The following MTA3 variants were observed in gnomAD, a reference collection of about 807,000 sequenced individuals.
MTA3 encodes the protein metastasis-associated protein MTA3.
A neutral mutation model predicts 83.5 loss-of-function variants in MTA3; 34 were observed. That is an observed-to-expected ratio of 0.41 (90% CI 0.31 to 0.54). The LOEUF is 0.54. Ranked by LOEUF, MTA3 falls within the 20% of genes least tolerant of loss-of-function variation. MTA3 has a pLI of 0.33. For missense variants in MTA3, 761 were observed against 726.4 expected (o/e 1.05, Z -0.55); for synonymous variants, 303 against 252.7 (o/e 1.20, Z -1.89).
At chr2:42,562,301 C>T (rs1369695169) in intron 2 of MTA3, among the ~76,000 whole-genome samples, 1 of 152,048 alleles carries the variant, frequency 6.6e-6, no homozygotes, top group Non-Finnish European at 1.5e-5. Context: ...TTTTGGGGGG[C>T]CACCATTCAA....
At chr2:42,553,316 C>T (rs926249072) in intron 2 of MTA3, among the ~76,000 whole-genome samples, 1 of 151,136 alleles carries the variant, frequency 6.6e-6, no homozygotes, top group Admixed American at 6.6e-5. Context: ...CCCAGCTACT[C>T]TGGAGGCTGA....
Position 42,546,874 on chromosome 2 carries a change from G to A in MTA3, c.-140-23563G>A, listed in dbSNP as rs367902023. 4.5e-4 allele frequency among the ~76,000 whole-genome samples: 69 copies of A among 152,254 alleles called. 2 individuals are homozygous for A. In the South Asian group the frequency reaches 0.014, roughly 31 times the overall value. ...ACAGGAGGATGAATGTGATCAGGGTGGGACATGCAGGCAAATAACGATACA... is the reference window on the plus strand; with the variant it reads ...ACAGGAGGATGAATGTGATCAGGGTAGGACATGCAGGCAAATAACGATACA... On this transcript the variant is annotated intron_variant, in intron 2 of 17. Coordinates refer to the MTA3 transcript ENST00000405592.
chr2:42,692,629 G>A (rs573345434), intron 9 of MTA3, among the ~76,000 whole-genome samples: 6 of 152,156 alleles, frequency 3.9e-5, no homozygotes, highest in East Asian at 1.9e-4. Flanking sequence ...GTTTCACCAC[G>A]TTGGCCAGGC....
intron 9 of MTA3, among the ~76,000 whole-genome samples, chr2:42,685,175 A>G (rs569803136): frequency 6.6e-6 from 1 of 152,344 alleles, no homozygotes; most frequent in East Asian, 1.9e-4. Flanking sequence ...TGGCATCAGT[A>G]TCAGATAAAA....
chr2:42,604,979 A>G (rs970499857), intron 3 of MTA3, among the ~76,000 whole-genome samples: 5 of 150,042 alleles, frequency 3.3e-5, no homozygotes, highest in Admixed American at 1.3e-4. Flanking sequence ...TCCCATGTCT[A>G]CTTCTTTCCA....
intron 16 of MTA3, among the ~76,000 whole-genome samples, chr2:42,737,574 A>G (rs1416513682): frequency 3.3e-5 from 5 of 152,094 alleles, no homozygotes; most frequent in East Asian, 1.9e-4. Flanking sequence ...TAGTTCTTCA[A>G]TTTGGTGTTC....
rs186553115 is a variant in MTA3, at chr2:42,643,537, A to G, written c.382-590A>G. Among the ~76,000 whole-genome samples the G allele has an allele frequency of 2.2e-4, 34 of 152,302 alleles. No individual in the cohort carries two copies. The East Asian group carries it at 6.0e-3, about 27-fold the overall frequency. ...TATGTTTGTATATCTGTCTATATGTATATATATGTATGCCTCAGTACTTAA... is the reference window on the plus strand; with the variant it reads ...TATGTTTGTATATCTGTCTATATGTGTATATATGTATGCCTCAGTACTTAA... On this transcript the variant is annotated intron_variant, in intron 5 of 16. Coordinates refer to ENST00000405094, the MANE Select transcript of MTA3 (RefSeq NM_001330442.2).
chr2:42,659,932 G>A, intron 8 of MTA3, 70 bp downstream of exon 8: 3 of 1,258,476 alleles, frequency 2.4e-6, no homozygotes, highest in East Asian at 2.9e-5. Context: ...AGCCATTGTG[G>A]CAATACTGTA....
At chr2:42,711,779 A>T (rs79292011) in intron 14 of MTA3, among the ~76,000 whole-genome samples, 96,863 of 148,074 alleles carry the variant, frequency 0.65, 32,749 homozygotes, top group African/African-American at 0.84. Flanking sequence ...TAGGAGAGAG[A>T]GAGAGTGTGT....
chr2:42,690,449 T>G (rs974232533), intron 9 of MTA3, among the ~76,000 whole-genome samples: 1 of 152,230 alleles, frequency 6.6e-6, no homozygotes, highest in Non-Finnish European at 1.5e-5. Context: ...CTACTTTTGG[T>G]TTTTAGCATT....
At chr2:42,621,800 C>T (rs1052752496) in intron 4 of MTA3, among the ~76,000 whole-genome samples, 34 of 151,522 alleles carry the variant, frequency 2.2e-4, no homozygotes, top group Admixed American at 9.8e-4. Context: ...CAGAGACGCT[C>T]CTCACCTCCC....
chr2:42,552,279 C>T (rs1378185901), intron 2 of MTA3, among the ~76,000 whole-genome samples: 1 of 152,036 alleles, frequency 6.6e-6, no homozygotes, highest in Non-Finnish European at 1.5e-5. Context: ...AGGCCACAGC[C>T]GAGAAGTAAG....
chr2:42,683,781 A>G (rs539757904), intron 9 of MTA3, among the ~76,000 whole-genome samples: 14 of 152,260 alleles, frequency 9.2e-5, no homozygotes, highest in Non-Finnish European at 1.6e-4. Context: ...CTCAGGGGGC[A>G]GTGGGAGTAA....
In MTA3 at chr2:42,727,611, A is replaced by T. The variant is rs1198866076; in HGVS notation, c.1759+4576A>T. On this transcript the variant is annotated intron_variant, in intron 16 of 16. Transcript: ENST00000405094. ...GGAACTTGTCTGTGCCATGGGGGGA[A>T]AAAGGGGTATCTGAGTGTTTGGAAT... Among the ~76,000 whole-genome samples the T allele has an allele frequency of 2.0e-5, 3 of 152,082 alleles. No individual in the cohort carries two copies. The East Asian group carries it at 5.8e-4, about 29-fold the overall frequency.
intron 2 of MTA3, among the ~76,000 whole-genome samples, chr2:42,573,350 A>G (rs1315183383): frequency 6.6e-6 from 1 of 152,090 alleles, no homozygotes; most frequent in East Asian, 1.9e-4. Context: ...TTTTTATTTT[A>G]TTCCAGAGAC....
At chr2:42,543,841 TA>T (rs1385942388) in intron 2 of MTA3, among the ~76,000 whole-genome samples, 2 of 151,738 alleles carry the variant, frequency 1.3e-5, no homozygotes, top group African/African-American at 4.8e-5. Flanking sequence ...TTAAAAAATA[TA>T]TATATATATT....
rs916273279 is a variant in MTA3, at chr2:42,753,522, T to C, written c.*123T>C. On this transcript the variant is annotated 3_prime_UTR_variant, in exon 17 of 17. Coordinates refer to ENST00000405094, the MANE Select transcript of MTA3 (RefSeq NM_001330442.2). ...TTTCAGTGGGAGACCTCTGCGTGCATCCATGGAGACGCAATGGGGCGGGGA... is the reference window on the plus strand; with the variant it reads ...TTTCAGTGGGAGACCTCTGCGTGCACCCATGGAGACGCAATGGGGCGGGGA... 6.8e-5 allele frequency: 103 copies of C among 1,511,508 alleles called. No individual in the cohort carries two copies. The South Asian group carries it at 1.1e-3, about 17-fold the overall frequency. 93.6% of individuals were successfully genotyped at this position (1,511,508 alleles called of 1,614,324 possible).
rs1230179788 is a variant in MTA3, at chr2:42,727,072, C to A, written c.1759+4037C>A. Among the ~76,000 whole-genome samples the A allele has an allele frequency of 2.0e-5, 3 of 152,134 alleles. No homozygotes were observed. In the East Asian group the frequency reaches 5.8e-4, roughly 29 times the overall value. ...TTAGCTGGATGTAGTGGCATGCACC[C>A]ACAGTTCTAGCTACTTGGCGGGGGC... On this transcript the variant is annotated intron_variant, in intron 16 of 16. Transcript: ENST00000405094.
chr2:42,717,399 C>T (rs571667346), intron 14 of MTA3, among the ~76,000 whole-genome samples: 1 of 152,054 alleles, frequency 6.6e-6, no homozygotes, highest in Admixed American at 6.6e-5. Flanking sequence ...TAGAATCATA[C>T]AGGTTAAAGT....
Sources: allele counts gnomAD v4.1 joint callset (sites outside exome capture counted in the v4.1 genomes callset), GRCh38; gene constraint gnomAD v4.1.1; transcripts MANE v1.5; gene names NCBI Gene and HGNC (gene_info 2026-07-23, HGNC 2026-07-21).